ARHGAP12: variants seen among roughly 807,000 people sequenced by gnomAD.
ARHGAP12 encodes the protein Rho GTPase activating protein 12.
A neutral mutation model predicts 108.6 loss-of-function variants in ARHGAP12; 64 were observed. The observed-to-expected ratio is 0.59, with a 90% CI of 0.48 to 0.73. ARHGAP12 has a LOEUF of 0.73. Ranked by LOEUF, ARHGAP12 falls within the 30% of genes least tolerant of loss-of-function variation. The probability of loss-of-function intolerance (pLI) is 0.00; values close to 1 mark genes in which losing one functional copy is unlikely to be tolerated. For missense variants in ARHGAP12, 940 were observed against 1,005.9 expected (o/e 0.93, Z 0.89); for synonymous variants, 312 against 337.2 (o/e 0.93, Z 0.82).
chr10:31,820,858 C>A (rs1329917251), intron 11 of ARHGAP12, among the ~76,000 whole-genome samples: 1 of 151,612 alleles, frequency 6.6e-6, no homozygotes, highest in Non-Finnish European at 1.5e-5. Context: ...TGGAACTACT[C>A]CTAGAAAAGA....
intron 3 of ARHGAP12, among the ~76,000 whole-genome samples, chr10:31,881,476 G>A (rs1195779316): frequency 2.6e-5 from 4 of 152,174 alleles, no homozygotes; most frequent in Non-Finnish European, 2.9e-5. Flanking sequence ...TATCTTTTGA[G>A]GGGTCTCGAA....
chr10:31,856,494 C>T (rs535543017), intron 4 of ARHGAP12, among the ~76,000 whole-genome samples: 74 of 152,090 alleles, frequency 4.9e-4, no homozygotes, highest in Non-Finnish European at 8.7e-4. Flanking sequence ...ACACTAGGAA[C>T]ATCATAGAAA....
intron 3 of ARHGAP12, among the ~76,000 whole-genome samples, chr10:31,887,627 G>C (rs191508650): frequency 4.1e-4 from 62 of 151,912 alleles, no homozygotes; most frequent in African/African-American, 1.4e-3. Flanking sequence ...CTCATTCAAA[G>C]GGAGTATCAT....
chr10:31,917,732 T>A (rs894874511), intron 1 of ARHGAP12, among the ~76,000 whole-genome samples: 2 of 152,250 alleles, frequency 1.3e-5, no homozygotes, highest in African/African-American at 4.8e-5. Flanking sequence ...TGCAAAGTTC[T>A]AGTGTCAGAC....
chr10:31,837,910 G>A (rs1836088339), intron 9 of ARHGAP12, among the ~76,000 whole-genome samples: 1 of 152,152 alleles, frequency 6.6e-6, no homozygotes, highest in Admixed American at 6.5e-5. Context: ...GGCACTGTGG[G>A]AGGTAATGGG....
intron 3 of ARHGAP12, among the ~76,000 whole-genome samples, chr10:31,905,104 A>G (rs188037914): frequency 2.9e-4 from 44 of 152,284 alleles, no homozygotes; most frequent in African/African-American, 1.1e-3. Flanking sequence ...GTTACAGAAT[A>G]TATACATAAG....
intron 3 of ARHGAP12, among the ~76,000 whole-genome samples, chr10:31,904,934 T>C (rs1212353167): frequency 6.6e-6 from 1 of 152,070 alleles, no homozygotes; most frequent in Admixed American, 6.6e-5. Context: ...GGCCTCCAAA[T>C]TATTTCTTGC....
chr10:31,855,926 T>C (rs948507959), intron 4 of ARHGAP12, among the ~76,000 whole-genome samples: 1 of 152,222 alleles, frequency 6.6e-6, no homozygotes, highest in African/African-American at 2.4e-5. Context: ...AATAGTTGTT[T>C]AATGGCAGTT....
chr10:31,887,212 C>T lies in ARHGAP12; in HGVS notation c.684+20960G>A, dbSNP rs200442167. 8.5e-5 allele frequency among the ~76,000 whole-genome samples: 13 copies of T among 152,296 alleles called. No homozygotes were observed. The East Asian group carries it at 2.5e-3, about 29-fold the overall frequency. ...GCAGTTTGAGTCCAAAGGTGGTCTG[C>T]TGGCTCAATTTCTTCTTGCTCAGGG... On this transcript the variant is annotated intron_variant, in intron 3 of 19. Transcript: ENST00000344936.
rs1473649952 is a variant in ARHGAP12, at chr10:31,861,404, C to T, written c.939G>A (p.Gly313=). ...CCTTAATTACTCATACCTCTTGATC[C>T]CCTGGATTTTGGAAATCTCCTTTGC... The part of the protein sequence containing the change: ...SISKGDFQNP[G]DQELLSSEEN... Residue 313 remains glycine, a synonymous_variant, in exon 4 of 20, where the codon GGG becomes GGA. Coordinates refer to ENST00000344936, the MANE Select transcript of ARHGAP12 (RefSeq NM_018287.7). 1.7e-5 allele frequency: 28 copies of T among 1,611,848 alleles called. No individual in the cohort carries two copies. The highest frequency in any genetic ancestry group is 2.4e-5 in the Non-Finnish European group (28 of 1,179,210).
intron 3 of ARHGAP12, among the ~76,000 whole-genome samples, chr10:31,862,705 GACAC>G (rs559731195): frequency 0.058 from 7,741 of 132,968 alleles, 488 homozygotes; most frequent in African/African-American, 0.17. Context: ...TGCACACACA[GACAC>G]ACACACACAC....
intron 11 of ARHGAP12, among the ~76,000 whole-genome samples, chr10:31,820,712 TTA>T (rs59605145): frequency 0.22 from 25,705 of 117,862 alleles, 2,760 homozygotes; most frequent in East Asian, 0.38. Context: ...TTCCATCATA[TTA>T]TATATATATA....
At chr10:31,823,007 T>TA (rs1564371369) in intron 11 of ARHGAP12, among the ~76,000 whole-genome samples, 1 of 152,180 alleles carries the variant, frequency 6.6e-6, no homozygotes, top group Non-Finnish European at 1.5e-5. Flanking sequence ...AATGTTTGAA[T>TA]AACTACCAAT....
intron 3 of ARHGAP12, among the ~76,000 whole-genome samples, chr10:31,882,150 G>A (rs1247861448): frequency 2.0e-5 from 3 of 152,030 alleles, no homozygotes; most frequent in African/African-American, 7.2e-5. Flanking sequence ...TCCTGACCTC[G>A]TGATCCGCCC....
rs901670503 is a variant in ARHGAP12 at position 31,928,776 on chromosome 10, C to T, written c.-204G>A. On this transcript the variant is annotated 5_prime_UTR_variant, in exon 1 of 20. Transcript: ENST00000344936. ...GCGAGCCCGAAGAGCGTTCACACGGCTACGGCCGCGGCCGGCCCGTCCCCG... is the reference window on the plus strand; with the variant it reads ...GCGAGCCCGAAGAGCGTTCACACGGTTACGGCCGCGGCCGGCCCGTCCCCG... 3.9e-5 allele frequency: 6 copies of T among 151,958 alleles called. No homozygotes were observed. Among genetic ancestry groups the T allele is most frequent in the Non-Finnish European group, 5.9e-5 (4 of 67,978 alleles). 9.4% of individuals were successfully genotyped at this position (151,958 alleles called of 1,614,324 possible). A position where few individuals can be genotyped will look rare whatever the true frequency, so the allele number is the denominator to read the frequency against.
rs377180449 is a variant in ARHGAP12, at chr10:31,809,287, A to G, written c.2071T>C (p.Tyr691His). 1.9e-6 allele frequency: 3 copies of G among 1,613,882 alleles called. No individual in the cohort carries two copies. Among genetic ancestry groups the G allele is most frequent in the Non-Finnish European group, 1.7e-6 (2 of 1,179,798 alleles). The change falls in exon 17 of 20, where the codon TAC becomes CAC. Residue 691 changes from tyrosine (Y) to histidine (H), a missense_variant. Physicochemically the swap from Tyr to His is moderately conservative, Grantham distance 83 (BLOSUM62 2). Transcript: ENST00000344936. ...EEHGLDIDGI[Y>H]RVSGNLAVIQ... is the part of the protein sequence containing the mutation. ...ACTGCGAGGTTGCCACTTACTCTGT[A>G]TATCCCATCAATATCCAAACCTAAG...
intron 3 of ARHGAP12, among the ~76,000 whole-genome samples, chr10:31,884,583 T>A (rs556966663): frequency 6.6e-6 from 1 of 152,224 alleles, no homozygotes; most frequent in Non-Finnish European, 1.5e-5. Context: ...CTAAAAATCA[T>A]AACAATTAAC....
intron 3 of ARHGAP12, among the ~76,000 whole-genome samples, chr10:31,894,308 G>A (rs1286778189): frequency 1.3e-5 from 2 of 152,214 alleles, no homozygotes; most frequent in African/African-American, 4.8e-5. Flanking sequence ...AAGTCAAATT[G>A]TCCCTGTTTG....
chr10:31,817,127 C>T (rs1437740474), intron 13 of ARHGAP12, among the ~76,000 whole-genome samples: 1 of 151,950 alleles, frequency 6.6e-6, no homozygotes, highest in Non-Finnish European at 1.5e-5. Flanking sequence ...GGGAGGATTG[C>T]TGGAGCCCAG....
Sources: allele counts gnomAD v4.1 joint callset (sites outside exome capture counted in the v4.1 genomes callset), GRCh38; gene constraint gnomAD v4.1.1; transcripts MANE v1.5; gene names NCBI Gene and HGNC (gene_info 2026-07-23, HGNC 2026-07-21).